CHD5: variants seen among roughly 807,000 people sequenced by gnomAD.
The protein encoded by CHD5 is chromodomain helicase DNA binding protein 5.
A neutral mutation model predicts 230.3 loss-of-function variants in CHD5; 69 were observed. The observed-to-expected ratio is 0.30, with a 90% CI of 0.25 to 0.37. The LOEUF is 0.37. CHD5 is among the 10% of genes least tolerant of loss of function. The pLI is 1.00. For missense variants in CHD5, 1,827 were observed against 2,622.8 expected, an observed-to-expected ratio of 0.70 and a Z score of 6.63; for synonymous variants, 1,064 against 1,065.9, an observed-to-expected ratio of 1.00 and a Z score of 0.03.
rs1287453502 is a variant in CHD5 at position 6,128,266 on chromosome 1, A to G, written c.3731-48T>C. The G allele has an allele frequency of 2.5e-6, 4 of 1,583,096 alleles. No homozygotes were observed. In the South Asian group the frequency reaches 3.4e-5, roughly 13 times the overall value. On this transcript the variant is annotated intron_variant, in intron 24 of 41. Transcript: ENST00000262450. The surrounding 1 kb of genome is among the most constrained non-coding windows in gnomAD (Gnocchi z 7.8). The stretch of plus-strand genomic sequence containing the variant: ...GTGAGGACAAAGACTGCCCTGGTCC[A>G]GCCCCGGGGTCCCAGGAACAGACTC...
At position 6,106,290 on chromosome 1, in the gene CHD5, G is replaced by A. The variant is rs1186460506; in HGVS notation, c.5858-3C>T. On this transcript the variant is annotated splice_polypyrimidine_tract_variant and splice_region_variant and intron_variant, in intron 40 of 41. Transcript: ENST00000262450. ...AAGTCTCGAGGACGGCTAGATATCT[G>A]TCAAAAAAAGAGGAGAGCCGGGCTT... is the stretch of plus-strand genomic sequence containing the variant. 1 of 1,612,828 alleles carries A rather than the reference G, an allele frequency of 6.2e-7. No homozygotes were observed. The highest frequency in any genetic ancestry group is 1.7e-5 in the Admixed American group (1 of 60,034).
intron 33 of CHD5, among the ~76,000 whole-genome samples, chr1:6,118,702 C>CT (rs59422054): frequency 1.9e-4 from 28 of 148,170 alleles, no homozygotes; most frequent in East Asian, 5.9e-4. Context: ...TACTTCATTA[C>CT]TTTTTTTTTT....
rs921134342 is a variant in CHD5, at chr1:6,102,669, C to A, written c.*2805G>T. On this transcript the variant is annotated 3_prime_UTR_variant, in exon 42 of 42. Transcript: ENST00000262450. Reference sequence around the variant, plus strand: ...CCAAGGCTTGGTCAGCTCCTGACCTCGGCAGGGGAGCACCCGGGGGACTCT... The same window carrying A: ...CCAAGGCTTGGTCAGCTCCTGACCTAGGCAGGGGAGCACCCGGGGGACTCT... The A allele has an allele frequency of 8.5e-5, 13 of 152,286 alleles. No homozygotes were observed. The highest frequency in any genetic ancestry group is 3.1e-4 in the African/African-American group (13 of 41,456). The allele number at this position is 152,286 out of a possible 1,614,324, so 9.4% of individuals were successfully genotyped here. A position where few individuals can be genotyped will look rare whatever the true frequency, so the allele number is the denominator to read the frequency against.
At chr1:6,122,486 C>T (rs1017789265) in intron 31 of CHD5, among the ~76,000 whole-genome samples, 3 of 152,164 alleles carry the variant, frequency 2.0e-5, no homozygotes, top group Non-Finnish European at 2.9e-5. Flanking sequence ...AGGCAGAGAA[C>T]AATTACTGCT....
At chr1:6,150,435 TGG>T (rs1666986183) in intron 7 of CHD5, among the ~76,000 whole-genome samples, 1 of 121,928 alleles carries the variant, frequency 8.2e-6, no homozygotes, top group African/African-American at 3.9e-5. Context: ...GATGATAGGA[TGG>T]ATGGATGGAT....
Position 6,161,732 on chromosome 1 carries a change from C to T in CHD5, c.208-2217G>A, listed in dbSNP as rs76863385. 6.7e-4 allele frequency among the ~76,000 whole-genome samples: 102 copies of T among 152,268 alleles called. 2 individuals carry two copies. In the East Asian group the frequency reaches 0.019, roughly 28 times the overall value. On this transcript the variant is annotated intron_variant, in intron 2 of 41. Transcript: ENST00000262450. ...CAGAGTTTGGCCAGCTTCAAGAGACCGCCCTTCAGGAGATCTGAGAGACAC... is the reference window on the plus strand; with the variant it reads ...CAGAGTTTGGCCAGCTTCAAGAGACTGCCCTTCAGGAGATCTGAGAGACAC...
Position 6,125,693 on chromosome 1 carries a change from C to G in CHD5, c.4171+73G>C, listed in dbSNP as rs1666544590. 1.3e-6 allele frequency: 2 copies of G among 1,587,826 alleles called. No individual in the cohort carries two copies. Among genetic ancestry groups the G allele is most frequent in the Admixed American group, 1.7e-5 (1 of 59,968 alleles). ...CAAGGACAGCGGGACCCCAGACCAG[C>G]CCCGCTCCTGCTGCCATCAGCTCCC... On this transcript the variant is annotated intron_variant, in intron 27 of 41. Transcript: ENST00000262450. This position sits in a 1 kb window ranked among gnomAD's most constrained non-coding sequence, Gnocchi z 6.7.
At position 6,167,157 on chromosome 1, in the gene CHD5, C is replaced by CGGGGGAAAGAAAGGTGGAGAGCT. The variant is rs1553143196; in HGVS notation, c.207+970_207+992dup. On this transcript the variant is annotated intron_variant, in intron 2 of 41. Coordinates refer to ENST00000262450, the MANE Select transcript of CHD5 (RefSeq NM_015557.3). The surrounding 1 kb of genome is among the most constrained non-coding windows in gnomAD (Gnocchi z 4.5). Reference sequence around the variant, plus strand: ...TGGGGCCAGGCCAGTCCCCTCTAGGCGGGGGAAAGAAAGGTGGAGAGCTGG... The same window carrying CGGGGGAAAGAAAGGTGGAGAGCT: ...TGGGGCCAGGCCAGTCCCCTCTAGGCGGGGGAAAGAAAGGTGGAGAGCTGGGGGAAAGAAAGGTGGAGAGCTGG... 3.4e-3 allele frequency among the ~76,000 whole-genome samples: 512 copies of CGGGGGAAAGAAAGGTGGAGAGCT among 152,236 alleles called. 5 individuals carry two copies. Among genetic ancestry groups the CGGGGGAAAGAAAGGTGGAGAGCT allele is most frequent in the African/African-American group, 0.012 (497 of 41,548 alleles).
At chr1:6,175,805 A>G (rs1348276600) in intron 1 of CHD5, among the ~76,000 whole-genome samples, 1 of 149,066 alleles carries the variant, frequency 6.7e-6, no homozygotes, top group Non-Finnish European at 1.5e-5. Flanking sequence ...GTGGGAGAGC[A>G]GGTAGATACA....
At chr1:6,127,654 C>T (rs2100845136) in intron 25 of CHD5, among the ~76,000 whole-genome samples, 1 of 152,262 alleles carries the variant, frequency 6.6e-6, no homozygotes, top group South Asian at 2.1e-4. Context: ...TCAGCTTGCA[C>T]TTCAGAGAGT....
chr1:6,114,256 A>G (rs984506383), intron 33 of CHD5, among the ~76,000 whole-genome samples: 11 of 151,466 alleles, frequency 7.3e-5, no homozygotes. Flanking sequence ...CCGTCTCAAA[A>G]AAAAAAAAAA....
chr1:6,177,372 A>C (rs1353874930), intron 1 of CHD5, among the ~76,000 whole-genome samples: 3 of 152,174 alleles, frequency 2.0e-5, no homozygotes, highest in Non-Finnish European at 4.4e-5. Flanking sequence ...TGACCTAGAG[A>C]GTCCCAGCCC....
intron 2 of CHD5, among the ~76,000 whole-genome samples, chr1:6,165,617 C>T (rs1667239946): frequency 1.3e-5 from 2 of 151,964 alleles, no homozygotes; most frequent in South Asian, 4.2e-4. Context: ...ATTTTACAGC[C>T]TCCACCAGAC....
chr1:6,133,581 C>T (rs1666691834), intron 20 of CHD5, among the ~76,000 whole-genome samples: 1 of 152,278 alleles, frequency 6.6e-6, no homozygotes, highest in African/African-American at 2.4e-5. Flanking sequence ...GTACCTGTCC[C>T]TTGAGCTGTC....
chr1:6,151,604 C>A (rs991579377), intron 6 of CHD5, among the ~76,000 whole-genome samples: 1 of 152,232 alleles, frequency 6.6e-6, no homozygotes, highest in African/African-American at 2.4e-5. Context: ...TGCCAGGTGA[C>A]GAGTGCTACA....
At position 6,143,722 on chromosome 1, in the gene CHD5, A is replaced by G. The variant is rs1666866612; in HGVS notation, c.2043+101T>C. 7.3e-6 allele frequency: 8 copies of G among 1,098,520 alleles called. No homozygotes were observed. In the Admixed American group the frequency reaches 1.3e-4, roughly 17 times the overall value. 68.0% of individuals were successfully genotyped at this position (1,098,520 alleles called of 1,614,324 possible). On this transcript the variant is annotated intron_variant, in intron 13 of 41. Coordinates refer to ENST00000262450, the MANE Select transcript of CHD5 (RefSeq NM_015557.3). ...TGTCTGCATAAGCCATGAGGGCCCA[A>G]GGAAACATCCTTTTGAGAACACACA...
intron 33 of CHD5, among the ~76,000 whole-genome samples, chr1:6,120,895 C>T (rs1372641743): frequency 5.3e-5 from 8 of 151,144 alleles, no homozygotes; most frequent in Non-Finnish European, 1.0e-4. Flanking sequence ...AGAGCGAAAC[C>T]CTTTCTCCAA....
chr1:6,141,846 G>A (rs917661848), intron 15 of CHD5, among the ~76,000 whole-genome samples: 4 of 152,160 alleles, frequency 2.6e-5, no homozygotes, highest in African/African-American at 7.2e-5. Context: ...GCTTTCAGAG[G>A]CACGTGGCCC....
Position 6,143,834 on chromosome 1 carries a change from G to A in CHD5, c.2032C>T (p.Pro678Ser). Residue 678 changes from proline (P) to serine (S), a missense_variant, in exon 13 of 42, where the codon CCC becomes TCC. Pro to Ser is a moderately conservative substitution (Grantham distance 74, BLOSUM62 -1). Transcript: ENST00000262450. ...CCCTCCCCACTCACGTCCACAATGG[G>A]CGTGTCCGGCGGCTTCTCCTGCTTG... ...DDKQEKPPDTPIVDPTVKFDK... is the reference protein window; with the variant it reads ...DDKQEKPPDTSIVDPTVKFDK... The A allele has an allele frequency of 6.2e-7, 1 of 1,611,770 alleles. No individual in the cohort carries two copies. The highest frequency in any genetic ancestry group is 8.5e-7 in the Non-Finnish European group (1 of 1,179,958).
Sources: allele counts gnomAD v4.1 joint callset (sites outside exome capture counted in the v4.1 genomes callset), GRCh38; gene constraint gnomAD v4.1.1; non-coding constraint Gnocchi (gnomAD v3.1); transcripts MANE v1.5; gene names NCBI Gene and HGNC (gene_info 2026-07-23, HGNC 2026-07-21).